SIL1: variants seen among roughly 807,000 people sequenced by gnomAD.
SIL1 encodes the protein nucleotide exchange factor SIL1.
SIL1 carries 40 observed loss-of-function variants against 49.1 expected under a neutral mutation model. The ratio of observed to expected loss-of-function variants is 0.81; its 90% CI spans 0.63 to 1.06. The LOEUF (loss-of-function observed/expected upper bound fraction) is 1.06, where lower values mean the gene tolerates loss of function less well. Ranked by LOEUF, SIL1 falls within the 50% of genes least tolerant of loss-of-function variation. The probability of loss-of-function intolerance (pLI) is 0.00; values close to 1 mark genes in which losing one functional copy is unlikely to be tolerated. For synonymous variants in SIL1, 253 were observed against 250.8 expected, an observed-to-expected ratio of 1.01 and a Z score of -0.08; for missense variants, 500 against 572.6, an observed-to-expected ratio of 0.87 and a Z score of 1.29.
chr5:139,139,974 AC>A (rs1212560182), intron 1 of SIL1, among the ~76,000 whole-genome samples: 8 of 151,922 alleles, frequency 5.3e-5, no homozygotes, highest in African/African-American at 1.9e-4. Context: ...ACTAAAAAAT[AC>A]AAAAATTAGT....
intron 4 of SIL1, among the ~76,000 whole-genome samples, chr5:139,047,419 T>C (rs895205369): frequency 4.6e-5 from 7 of 152,222 alleles, no homozygotes; most frequent in African/African-American, 1.7e-4. Context: ...CAGCTCTAGG[T>C]AGCAATGTGG....
chr5:138,948,073 C>T lies in SIL1; in HGVS notation c.1030-600G>A, dbSNP rs1455315657. 2.0e-5 allele frequency among the ~76,000 whole-genome samples: 3 copies of T among 152,136 alleles called. No individual in the cohort carries two copies. The highest frequency in any genetic ancestry group is 4.4e-5 in the Non-Finnish European group (3 of 68,030). ...GGGTTGGGAGGGGGCAGAGATCTCC[C>T]GTGCAGCTGTAGGAAGTGTGCCTGT... On this transcript the variant is annotated intron_variant, in intron 9 of 9. Coordinates refer to ENST00000394817, the MANE Select transcript of SIL1 (RefSeq NM_022464.5). This position sits in a 1 kb window ranked among gnomAD's most constrained non-coding sequence, Gnocchi z 4.8.
chr5:138,985,262 T>C (rs1172395251), intron 7 of SIL1, among the ~76,000 whole-genome samples: 1 of 152,238 alleles, frequency 6.6e-6, no homozygotes, highest in Non-Finnish European at 1.5e-5. Flanking sequence ...ATGGCTTTGC[T>C]GTACTTGTTT....
Position 138,946,936 on chromosome 5 carries a change from C to G in SIL1, c.*181G>C, listed in dbSNP as rs1561798834. The G allele has an allele frequency of 1.6e-6, 1 of 640,872 alleles. No individual in the cohort carries two copies. The highest frequency in any genetic ancestry group is 1.8e-5 in the African/African-American group (1 of 55,790). 39.7% of individuals were successfully genotyped at this position (640,872 alleles called of 1,614,324 possible). The stretch of plus-strand genomic sequence containing the variant: ...CCCATCACCCAACCACTCACCTGAC[C>G]CCCCGGCCACAGGGCTGTGCCCAGT... On this transcript the variant is annotated 3_prime_UTR_variant, in exon 10 of 10. Transcript: ENST00000394817.
intron 7 of SIL1, among the ~76,000 whole-genome samples, chr5:139,016,059 C>T (rs1323520060): frequency 1.3e-5 from 2 of 152,038 alleles, no homozygotes; most frequent in African/African-American, 2.4e-5. Context: ...TGAAGAGCCC[C>T]TGCACTCCAG....
At chr5:139,066,260 C>A (rs1407413160) in intron 3 of SIL1, among the ~76,000 whole-genome samples, 1 of 152,146 alleles carries the variant, frequency 6.6e-6, no homozygotes, top group Non-Finnish European at 1.5e-5. Flanking sequence ...GCCTTATCGC[C>A]CCTCATCCAC....
intron 7 of SIL1, among the ~76,000 whole-genome samples, chr5:138,978,376 T>G (rs542379354): frequency 6.6e-6 from 1 of 152,354 alleles, no homozygotes; most frequent in South Asian, 2.1e-4. Flanking sequence ...CAGTACTTCA[T>G]TTCTTTTTAT....
chr5:139,070,053 TATAAATGCCTTAA>T (rs1011554788), intron 3 of SIL1, among the ~76,000 whole-genome samples: 2 of 152,170 alleles, frequency 1.3e-5, no homozygotes, highest in African/African-American at 4.8e-5. Context: ...TAGTTATTTG[TATAAATGCCTTAA>T]ATAAGGGCTA....
At chr5:139,027,944 A>G (rs186245461) in intron 5 of SIL1, among the ~76,000 whole-genome samples, 27 of 152,330 alleles carry the variant, frequency 1.8e-4, no homozygotes, top group Admixed American at 7.8e-4. Context: ...AGCCTCTCTT[A>G]AAAAAGACCA....
At chr5:139,072,258 C>T (rs1769851252) in intron 3 of SIL1, among the ~76,000 whole-genome samples, 1 of 152,058 alleles carries the variant, frequency 6.6e-6, no homozygotes. Flanking sequence ...TTAATACATT[C>T]TAAAATGAAA....
At chr5:138,996,958 T>C (rs1767884121) in intron 7 of SIL1, among the ~76,000 whole-genome samples, 1 of 152,196 alleles carries the variant, frequency 6.6e-6, no homozygotes, top group Non-Finnish European at 1.5e-5. Flanking sequence ...TTTGAGACAG[T>C]ATCTTGCTCT....
intron 3 of SIL1, among the ~76,000 whole-genome samples, chr5:139,056,618 GCCAGCCGCCCCA>G (rs1434283052): frequency 1.6e-4 from 24 of 146,968 alleles, no homozygotes; most frequent in African/African-American, 6.4e-4. Flanking sequence ...CCCCCGCCCG[GCCAGCCGCCCCA>G]TCAAGGAGGG....
rs112828287 is a variant in SIL1, at chr5:139,145,902, T to A, written c.-10-18049A>T. On this transcript the variant is annotated intron_variant, in intron 1 of 9. Transcript: ENST00000394817. ...AGAGAGACCTCTATCTCTTAAAAAA[T>A]AAATAAAAAAAAAAATAAAGAGGCA... Among the ~76,000 whole-genome samples the A allele has an allele frequency of 1.0e-4, 15 of 149,210 alleles. 1 individual carries two copies. The highest frequency in any genetic ancestry group is 2.5e-4 in the African/African-American group (10 of 40,528).
intron 1 of SIL1, among the ~76,000 whole-genome samples, chr5:139,139,135 T>G (rs1001945156): frequency 1.3e-5 from 2 of 152,184 alleles, no homozygotes. Context: ...CTGGGACCAC[T>G]GTAGACAGAT....
chr5:139,118,852 C>G (rs1005669507), intron 3 of SIL1, among the ~76,000 whole-genome samples: 6 of 152,166 alleles, frequency 3.9e-5, no homozygotes, highest in Non-Finnish European at 7.4e-5. Flanking sequence ...CACCATGACA[C>G]CAGATTCTGA....
chr5:138,993,414 T>C (rs1767797809), intron 7 of SIL1, among the ~76,000 whole-genome samples: 1 of 152,168 alleles, frequency 6.6e-6, no homozygotes, highest in South Asian at 2.1e-4. Flanking sequence ...TCTATCCCAT[T>C]ATGTCATTTT....
rs1264550038 is a variant in SIL1, at chr5:139,101,318, T to C, written c.244+19717A>G. ...GGAAAACCCTTTATACTCCACCTCA[T>C]CAAATACCAGCTTTTCCAAGCCCCA... On this transcript the variant is annotated intron_variant, in intron 3 of 9. Transcript: ENST00000394817. 2.6e-5 allele frequency among the ~76,000 whole-genome samples: 4 copies of C among 152,124 alleles called. No homozygotes were observed. The East Asian group carries it at 5.8e-4, about 22-fold the overall frequency.
At chr5:139,163,895 G>A (rs890053139) in intron 1 of SIL1, among the ~76,000 whole-genome samples, 7 of 152,042 alleles carry the variant, frequency 4.6e-5, no homozygotes, top group African/African-American at 1.7e-4. Context: ...TGGGCGGGCA[G>A]ATCACTTGAG....
chr5:138,946,964 A>T lies in SIL1; in HGVS notation c.*153T>A. ...CCGGCCACAGGGCTGTGCCCAGTCT[A>T]CACAGACACACAGCAGAAAGAGGAT... On this transcript the variant is annotated 3_prime_UTR_variant, in exon 10 of 10. Transcript: ENST00000394817. The T allele has an allele frequency of 1.4e-6, 1 of 700,068 alleles. No individual in the cohort carries two copies. Among genetic ancestry groups the T allele is most frequent in the Non-Finnish European group, 2.6e-6 (1 of 388,672 alleles). The allele number at this position is 700,068 out of a possible 1,614,324, so 43.4% of individuals were successfully genotyped here. A position where few individuals can be genotyped will look rare whatever the true frequency, so the allele number is the denominator to read the frequency against.
Sources: gnomAD v4.1 joint callset for allele counts (sites outside exome capture counted in the v4.1 genomes callset) on GRCh38, gnomAD v4.1.1 for gene constraint, Gnocchi (gnomAD v3.1) non-coding constraint, MANE v1.5 for transcripts, NCBI Gene and HGNC (gene_info 2026-07-23, HGNC 2026-07-21) for gene names.